The following UGT2A1 variants were observed in gnomAD, a reference collection of about 807,000 sequenced individuals.
UGT2A1 encodes the protein UDP glucuronosyltransferase family 2 member A1 complex locus.
UGT2A1 carries 61 observed loss-of-function variants against 45.4 expected under a neutral mutation model. The ratio of observed to expected loss-of-function variants is 1.34; its 90% CI spans 1.09 to 1.66. The LOEUF (loss-of-function observed/expected upper bound fraction) is 1.66, where lower values mean the gene tolerates loss of function less well. Among genes scored for constraint, UGT2A1 ranks in the 40% most tolerant of loss-of-function variants. UGT2A1 has a pLI of 0.00. For synonymous variants in UGT2A1, 229 were observed against 196.2 expected (o/e 1.17, Z -1.40); for missense variants, 649 against 574.3 (o/e 1.13, Z -1.33).
intron 3 of UGT2A1, among the ~76,000 whole-genome samples, chr4:69,611,281 C>CGCGCCCG: frequency 9.9e-6 from 1 of 101,070 alleles, no homozygotes; most frequent in Middle Eastern, 5.9e-3. Context: ...AGTAGGTCAC[C>CGCGCCCG]TCCAAGTCCA....
rs751547912 is a variant in UGT2A1, at chr4:69,599,357, A to C, written c.885T>G (p.Ala295=). The C allele has an allele frequency of 1.9e-6, 3 of 1,613,816 alleles. No homozygotes were observed. The highest frequency in any genetic ancestry group is 2.5e-6 in the Non-Finnish European group (3 of 1,179,892). ...AATATGTTCGGATTAACCAAATTTC[A>C]GCTTTCCCCATAGTCTCACATAACG... ...PTTLCETMGK[A]EIWLIRTYWD... The change falls in exon 4 of 7, where the codon GCT becomes GCG. Residue 295 remains alanine, a synonymous_variant. Transcript: ENST00000286604.
In UGT2A1 at chr4:69,647,069, A is replaced by T. The variant is rs111696697; in HGVS notation, c.576T>A (p.Tyr192Ter). The T allele has an allele frequency of 0.036, 57,821 of 1,612,932 alleles. 1,241 individuals are homozygous for T. Among genetic ancestry groups the T allele is most frequent in the Middle Eastern group, 0.046 (281 of 6,050 alleles). Reference sequence around the variant, plus strand: ...TGAGTTCTGATAAAACAGCAGGAACATAGGAAGGAGGGTATGGTACCTTCC... The same window carrying T: ...TGAGTTCTGATAAAACAGCAGGAACTTAGGAAGGAGGGTATGGTACCTTCC... Reference protein sequence around the residue: ...HCGKVPYPPSYVPAVLSELTD... With the variant: ...HCGKVPYPPS The change falls in exon 2 of 7, where the codon TAT (tyrosine) becomes TAA (stop). Residue 192 changes from tyrosine to a stop codon, truncating the protein, a stop_gained. Coordinates refer to ENST00000286604, the MANE Select transcript of UGT2A1 (RefSeq NM_001252275.3). LOFTEE classifies it high-confidence loss of function.
chr4:69,621,649 G>A (rs1720763727), intron 3 of UGT2A1, among the ~76,000 whole-genome samples: 1 of 151,844 alleles, frequency 6.6e-6, no homozygotes, highest in Non-Finnish European at 1.5e-5. Flanking sequence ...TCCCATTCCT[G>A]GGTATACACC....
intron 1 of UGT2A1, among the ~76,000 whole-genome samples, chr4:69,648,985 A>C (rs1722402546): frequency 6.6e-6 from 1 of 152,098 alleles, no homozygotes. Context: ...AAGCATGCTA[A>C]CACAATACAA....
Position 69,589,386 on chromosome 4 carries a change from T to C in UGT2A1, c.1570A>G (p.Lys524Glu), listed in dbSNP as rs929184959. The C allele has an allele frequency of 4.3e-6, 7 of 1,611,118 alleles. No homozygotes were observed. Among genetic ancestry groups the C allele is most frequent in the Middle Eastern group, 1.7e-4 (1 of 6,044 alleles). ...CQKFGKIGKK[K>E]KRE ...TTTTTCTTGACCTATTCTCTTTTTT[T>C]CTTCTTTCCTATCTTACCAAATTTT... The change falls in exon 7 of 7, where the codon AAA becomes GAA. Residue 524 changes from lysine (K) to glutamate (E), a missense_variant. Transcript: ENST00000286604.
intron 3 of UGT2A1, among the ~76,000 whole-genome samples, chr4:69,608,137 G>T (rs376459007): frequency 1.3e-5 from 2 of 151,938 alleles, no homozygotes; most frequent in African/African-American, 4.8e-5. Flanking sequence ...TTATTGCAGC[G>T]CTATTCACAA....
rs72552708 is a variant in UGT2A1, at chr4:69,647,003, G to T, written c.642C>A (p.Ile214=). ...MSFTDRIRNF[I]SYHLQDYMFE... is the part of the protein sequence containing the mutation. ...ACATGTAGTCCTGTAGGTGGTAGGAGATGAAATTTCTTATTCTGTCAGTGA... is the reference window on the plus strand; with the variant it reads ...ACATGTAGTCCTGTAGGTGGTAGGATATGAAATTTCTTATTCTGTCAGTGA... Residue 214 remains isoleucine, a synonymous_variant, in exon 2 of 7, where the codon ATC becomes ATA. Transcript: ENST00000286604. 91,987 of 1,612,198 alleles carry T rather than the reference G, an allele frequency of 0.057. 3,039 individuals carry two copies. The highest frequency in any genetic ancestry group is 0.073 in the South Asian group (6,662 of 90,908).
intron 3 of UGT2A1, among the ~76,000 whole-genome samples, chr4:69,607,723 GAAAC>G (rs1190996115): frequency 6.6e-5 from 10 of 152,208 alleles, no homozygotes; most frequent in African/African-American, 2.2e-4. Flanking sequence ...AAATTTACAA[GAAAC>G]AAACAAACAA....
chr4:69,638,836 C>T (rs1382901820), intron 2 of UGT2A1: 69 of 1,460,076 alleles, frequency 4.7e-5, no homozygotes, highest in Non-Finnish European at 6.1e-5. Context: ...AATCGTTTGC[C>T]ATATGACAAT....
At chr4:69,633,874 C>A (rs1721522451) in intron 3 of UGT2A1, among the ~76,000 whole-genome samples, 1 of 151,980 alleles carries the variant, frequency 6.6e-6, no homozygotes, top group South Asian at 2.1e-4. Flanking sequence ...GTGCTGGTTG[C>A]AAGGGTGGGG....
At chr4:69,642,712 T>C (rs945719785) in intron 2 of UGT2A1, among the ~76,000 whole-genome samples, 4 of 151,660 alleles carry the variant, frequency 2.6e-5, no homozygotes, top group African/African-American at 7.2e-5. Context: ...TATGTTATTA[T>C]AGATGGCATT....
intron 3 of UGT2A1, among the ~76,000 whole-genome samples, chr4:69,632,887 A>G (rs1402001106): frequency 7.0e-6 from 1 of 142,540 alleles, no homozygotes; most frequent in Admixed American, 7.0e-5. Context: ...GACTCGGTCA[A>G]AAAAAAAAAA....
intron 3 of UGT2A1, among the ~76,000 whole-genome samples, chr4:69,613,650 T>C (rs983773071): frequency 6.6e-6 from 1 of 152,016 alleles, no homozygotes; most frequent in African/African-American, 2.4e-5. Context: ...ATTTATCTCA[T>C]GGATGCAAAA....
chr4:69,645,973 C>T (rs575342320), intron 2 of UGT2A1, among the ~76,000 whole-genome samples: 1 of 151,734 alleles, frequency 6.6e-6, no homozygotes, highest in Non-Finnish European at 1.5e-5. Flanking sequence ...TTAAAATATC[C>T]TTATGCATTA....
At chr4:69,645,709 G>C (rs1560605) in intron 2 of UGT2A1, among the ~76,000 whole-genome samples, 124,229 of 151,628 alleles carry the variant, frequency 0.82, 51,164 homozygotes, top group African/African-American at 0.89. Flanking sequence ...AGATGGTCCT[G>C]AATTGCTTAT....
At chr4:69,598,241 A>T (rs1157577207) in intron 4 of UGT2A1, among the ~76,000 whole-genome samples, 1 of 152,178 alleles carries the variant, frequency 6.6e-6, no homozygotes, top group Non-Finnish European at 1.5e-5. Flanking sequence ...GTCTGTTACT[A>T]TAAACAGAAA....
At position 69,647,006 on chromosome 4, in the gene UGT2A1, G is replaced by A. The variant is rs750373803; in HGVS notation, c.639C>T (p.Phe213=). ...TGTAGTCCTGTAGGTGGTAGGAGAT[G>A]AAATTTCTTATTCTGTCAGTGAAAG... ...QMSFTDRIRN[F]ISYHLQDYMF... The change falls in exon 2 of 7, where the codon TTC becomes TTT. Residue 213 remains phenylalanine, a synonymous_variant. Transcript: ENST00000286604. The A allele has an allele frequency of 1.2e-5, 19 of 1,612,308 alleles. No individual in the cohort carries two copies. Among genetic ancestry groups the A allele is most frequent in the Non-Finnish European group, 9.3e-6 (11 of 1,179,082 alleles).
In UGT2A1 at chr4:69,589,419, AAAAC is replaced by A. The variant is rs1560463269; in HGVS notation, c.1533_1536del (p.Leu511PhefsTer9). The A allele has an allele frequency of 6.2e-7, 1 of 1,613,722 alleles. No homozygotes were observed. The highest frequency in any genetic ancestry group is 8.5e-7 in the Non-Finnish European group (1 of 1,179,790). On this transcript the variant is annotated frameshift_variant, in exon 7 of 7. Transcript: ENST00000286604. LOFTEE classifies it high-confidence loss of function. ...CCTATCTTACCAAATTTTTGACAGG[AAAAC>A]AAACAACATTGTATGACCAAAAATA...
chr4:69,640,413 T>C (rs868767575), intron 2 of UGT2A1, among the ~76,000 whole-genome samples: 1 of 151,898 alleles, frequency 6.6e-6, no homozygotes, highest in African/African-American at 2.4e-5. Context: ...GTTTAATAAA[T>C]TTGTCCAAAG....
Sources: gnomAD v4.1 joint callset for allele counts (sites outside exome capture counted in the v4.1 genomes callset) on GRCh38, gnomAD v4.1.1 for gene constraint, MANE v1.5 for transcripts, NCBI Gene and HGNC (gene_info 2026-07-23, HGNC 2026-07-21) for gene names.